The following REDIC1 variants were observed in gnomAD, a reference collection of about 807,000 sequenced individuals.
The protein encoded by REDIC1 is HEI10 Interacting Protein 1.
At chr12:39,865,009 TC>T in the REDIC1 span, 1 of 825,898 alleles carries the variant, frequency 1.2e-6, no homozygotes, top group Non-Finnish European at 1.8e-6. Flanking sequence ...AATACCGTGC[TC>T]TATCTTCACT....
chr12:39,729,499 T>C, the REDIC1 span, among the ~76,000 whole-genome samples: 1 of 152,242 alleles, frequency 6.6e-6, no homozygotes, highest in Non-Finnish European at 1.5e-5. Flanking sequence ...TGAATTCTAA[T>C]TTGATTGCAC....
the REDIC1 span, among the ~76,000 whole-genome samples, chr12:39,829,172 TGTTA>T: frequency 6.6e-6 from 1 of 152,022 alleles, no homozygotes; most frequent in African/African-American, 2.4e-5. Flanking sequence ...TGGATATAAA[TGTTA>T]GTTCATAAAT....
the REDIC1 span, among the ~76,000 whole-genome samples, chr12:39,752,462 A>C: frequency 6.6e-6 from 1 of 152,152 alleles, no homozygotes; most frequent in African/African-American, 2.4e-5. Flanking sequence ...TCTTCCATGA[A>C]ACCGGTCCCT....
chr12:39,659,356 T>G, the REDIC1 span, among the ~76,000 whole-genome samples: 120,345 of 151,824 alleles, frequency 0.79, 48,430 homozygotes, highest in Non-Finnish European at 0.87. Flanking sequence ...AAAATTTTTA[T>G]CCATTATTTC....
the REDIC1 span, chr12:39,864,747 A>C: frequency 1.9e-5 from 31 of 1,612,132 alleles, no homozygotes; most frequent in Non-Finnish European, 2.5e-5. Flanking sequence ...GAAGAAGAAC[A>C]TAATGGAATC....
chr12:39,780,989 G>A, the REDIC1 span, among the ~76,000 whole-genome samples: 5 of 152,136 alleles, frequency 3.3e-5, no homozygotes, highest in African/African-American at 4.8e-5. Flanking sequence ...AGTCATTATC[G>A]TAAAACTATA....
chr12:39,663,127 G>A, the REDIC1 span, among the ~76,000 whole-genome samples: 2 of 151,622 alleles, frequency 1.3e-5, no homozygotes, highest in Non-Finnish European at 2.9e-5. Context: ...AGAGTAATCC[G>A]GCTTCATATA....
At chr12:39,749,645 G>A in the REDIC1 span, among the ~76,000 whole-genome samples, 1 of 152,306 alleles carries the variant, frequency 6.6e-6, no homozygotes, top group East Asian at 1.9e-4. Context: ...TATCCCTGAT[G>A]AACATAGATG....
At chr12:39,752,472 T>C in the REDIC1 span, among the ~76,000 whole-genome samples, 1 of 152,122 alleles carries the variant, frequency 6.6e-6, no homozygotes, top group Non-Finnish European at 1.5e-5. Flanking sequence ...AACCGGTCCC[T>C]TGTGCCAAAA....
At chr12:39,743,882 A>G in the REDIC1 span, among the ~76,000 whole-genome samples, 2 of 152,236 alleles carry the variant, frequency 1.3e-5, no homozygotes, top group Non-Finnish European at 2.9e-5. Context: ...TAATGGGAGC[A>G]CCAGAAGAGA....
chr12:39,862,047 C>T, the REDIC1 span, among the ~76,000 whole-genome samples: 1 of 152,176 alleles, frequency 6.6e-6, no homozygotes, highest in Non-Finnish European at 1.5e-5. Context: ...TGCCCCCTAA[C>T]AGGCGCCAGT....
the REDIC1 span, among the ~76,000 whole-genome samples, chr12:39,860,227 G>A: frequency 3.8e-4 from 58 of 152,306 alleles, no homozygotes; most frequent in African/African-American, 1.3e-3. Context: ...TAAGTAAGAT[G>A]TAAGTGTAGG....
the REDIC1 span, among the ~76,000 whole-genome samples, chr12:39,832,651 C>G: frequency 6.6e-6 from 1 of 152,002 alleles, no homozygotes; most frequent in African/African-American, 2.4e-5. Flanking sequence ...CAGTCACTGC[C>G]CTCGTGAAGC....
chr12:39,840,633 C>A, the REDIC1 span, among the ~76,000 whole-genome samples: 1 of 151,956 alleles, frequency 6.6e-6, no homozygotes, highest in Non-Finnish European at 1.5e-5. Flanking sequence ...TCCTTTGCTT[C>A]AAGACTCATG....
At chr12:39,728,451 A>ATG in the REDIC1 span, among the ~76,000 whole-genome samples, 2 of 151,790 alleles carry the variant, frequency 1.3e-5, no homozygotes, top group Non-Finnish European at 2.9e-5. Flanking sequence ...ATTATGTTTA[A>ATG]TGATTTGCCT....
At chr12:39,737,417 A>G in the REDIC1 span, among the ~76,000 whole-genome samples, 1 of 152,188 alleles carries the variant, frequency 6.6e-6, no homozygotes, top group Non-Finnish European at 1.5e-5. Flanking sequence ...ACTATAAACT[A>G]TATTGAACTA....
At chr12:39,654,273 C>T in the REDIC1 span, among the ~76,000 whole-genome samples, 1 of 152,152 alleles carries the variant, frequency 6.6e-6, no homozygotes, top group Admixed American at 6.5e-5. Flanking sequence ...GTCAAACCAC[C>T]TTGTATTGAT....
At chr12:39,746,448 C>T in the REDIC1 span, among the ~76,000 whole-genome samples, 8 of 152,288 alleles carry the variant, frequency 5.3e-5, no homozygotes, top group Non-Finnish European at 1.0e-4. Context: ...CTGGGTGGAG[C>T]CCACCTCAGC....
At chr12:39,802,020 T>A in the REDIC1 span, among the ~76,000 whole-genome samples, 1 of 152,124 alleles carries the variant, frequency 6.6e-6, no homozygotes, top group Non-Finnish European at 1.5e-5. Flanking sequence ...GAATTTCACA[T>A]AGTGACAATT....
Sources: gnomAD v4.1 joint callset for allele counts (sites outside exome capture counted in the v4.1 genomes callset) on GRCh38, gnomAD v4.1.1 for gene constraint, MANE v1.5 for transcripts, NCBI Gene and HGNC (gene_info 2026-07-23, HGNC 2026-07-21) for gene names.